SEMA3D: variants seen among roughly 807,000 people sequenced by gnomAD.
SEMA3D encodes semaphorin-3D.
A neutral mutation model predicts 100.1 loss-of-function variants in SEMA3D; 84 were observed. That is an observed-to-expected ratio of 0.84 (90% confidence interval 0.70 to 1.01). SEMA3D has a LOEUF of 1.01. Ranked by LOEUF, SEMA3D falls within the 50% of genes least tolerant of loss-of-function variation. SEMA3D has a pLI of 0.00. For missense variants in SEMA3D, 875 were observed against 934.1 expected (o/e 0.94, Z 0.82); for synonymous variants, 312 against 320.7 (o/e 0.97, Z 0.29).
At chr7:85,132,617 G>T (rs1452490958) in intron 2 of SEMA3D, among the ~76,000 whole-genome samples, 2 of 151,640 alleles carry the variant, frequency 1.3e-5, no homozygotes, top group African/African-American at 4.8e-5. Context: ...TGTTTCTCTA[G>T]CATGAACATT....
intron 2 of SEMA3D, among the ~76,000 whole-genome samples, chr7:85,137,491 A>T (rs1789902724): frequency 6.6e-6 from 1 of 152,076 alleles, no homozygotes; most frequent in Non-Finnish European, 1.5e-5. Context: ...TATTAATGAT[A>T]CCTTTAATAA....
At chr7:85,137,428 C>CA (rs1789900696) in intron 2 of SEMA3D, among the ~76,000 whole-genome samples, 1 of 151,868 alleles carries the variant, frequency 6.6e-6, no homozygotes, top group African/African-American at 2.4e-5. Context: ...ATAACACAGA[C>CA]ACTACAGGGA....
At chr7:85,057,619 G>C (rs560461777) in intron 8 of SEMA3D, among the ~76,000 whole-genome samples, 1 of 152,128 alleles carries the variant, frequency 6.6e-6, no homozygotes, top group Non-Finnish European at 1.5e-5. Context: ...AAGCTTCACA[G>C]TAGCCTTCTT....
intron 7 of SEMA3D, 30 bp downstream of exon 7, chr7:85,068,161 A>G (rs533977785): frequency 2.4e-6 from 3 of 1,247,034 alleles, no homozygotes; most frequent in East Asian, 4.6e-5. Context: ...AAACCATTTA[A>G]GGATAAGAAC....
intron 11 of SEMA3D, 82 bp from the exon 12 acceptor site, chr7:85,037,115 C>A: frequency 7.2e-7 from 1 of 1,394,718 alleles, no homozygotes; most frequent in Non-Finnish European, 9.8e-7. Context: ...TCAGCAGGTG[C>A]TGTGGACAAA....
intron 1 of SEMA3D, among the ~76,000 whole-genome samples, chr7:85,155,197 T>TA (rs1326005668): frequency 6.6e-6 from 1 of 152,064 alleles, no homozygotes; most frequent in Non-Finnish European, 1.5e-5. Flanking sequence ...CCATCTGACT[T>TA]AAAAAAAGTT....
At chr7:85,231,905 A>G in the SEMA3D span, among the ~76,000 whole-genome samples, 11 of 152,172 alleles carry the variant, frequency 7.2e-5, no homozygotes, top group Non-Finnish European at 1.6e-4. Flanking sequence ...AAGAGGAAAA[A>G]CATTTTTTTC....
chr7:85,075,518 C>G (rs1562807156), intron 5 of SEMA3D, among the ~76,000 whole-genome samples: 1 of 151,854 alleles, frequency 6.6e-6, no homozygotes, highest in African/African-American at 2.4e-5. Flanking sequence ...TAGAAAGTAG[C>G]CTAATATGCC....
intron 2 of SEMA3D, among the ~76,000 whole-genome samples, chr7:85,127,084 G>A (rs570776058): frequency 1.5e-4 from 23 of 152,170 alleles, no homozygotes; most frequent in African/African-American, 5.1e-4. Context: ...AAGGAGTCTG[G>A]AAGGCCATCT....
intron 5 of SEMA3D, among the ~76,000 whole-genome samples, chr7:85,076,346 C>G (rs1583899045): frequency 6.6e-6 from 1 of 151,960 alleles, no homozygotes; most frequent in Admixed American, 6.5e-5. Flanking sequence ...TTCAATATTT[C>G]ATCTCTCATA....
At chr7:85,080,700 T>C (rs1444233217) in intron 5 of SEMA3D, among the ~76,000 whole-genome samples, 2 of 152,098 alleles carry the variant, frequency 1.3e-5, no homozygotes, top group Non-Finnish European at 2.9e-5. Flanking sequence ...AGAATATCTG[T>C]CCTGAATCAG....
chr7:85,222,460 C>T, the SEMA3D span, among the ~76,000 whole-genome samples: 1 of 151,912 alleles, frequency 6.6e-6, no homozygotes, highest in African/African-American at 2.4e-5. Context: ...CTGTTATTTT[C>T]CATGTTTGTT....
chr7:85,168,798 CAAAG>C (rs139670825), intron 1 of SEMA3D, among the ~76,000 whole-genome samples: 19,429 of 120,150 alleles, frequency 0.16, 1,546 homozygotes, highest in Non-Finnish European at 0.18. Context: ...GGAAAGGTGA[CAAAG>C]AAAGAAAGAA....
chr7:85,012,184 C>T (rs1345751359), intron 17 of SEMA3D, among the ~76,000 whole-genome samples: 3 of 151,710 alleles, frequency 2.0e-5, no homozygotes, highest in African/African-American at 7.3e-5. Context: ...GGTGATCTCT[C>T]TTTCACTAAA....
At chr7:85,185,102 C>G (rs2534874) in intron 1 of SEMA3D, among the ~76,000 whole-genome samples, 103,978 of 151,546 alleles carry the variant, frequency 0.69, 36,637 homozygotes, top group East Asian at 0.92. Context: ...AAAAGGAGAA[C>G]AAAAAGGAGA....
intron 1 of SEMA3D, among the ~76,000 whole-genome samples, chr7:85,159,083 T>A (rs890089842): frequency 3.3e-5 from 5 of 152,160 alleles, no homozygotes; most frequent in African/African-American, 1.2e-4. Context: ...CTCAACCCCT[T>A]TCGTCTGTTT....
At chr7:85,155,525 A>C (rs1467612566) in intron 1 of SEMA3D, among the ~76,000 whole-genome samples, 1 of 152,184 alleles carries the variant, frequency 6.6e-6, no homozygotes, top group African/African-American at 2.4e-5. Context: ...ACAGGGGTGT[A>C]ACATGCAAAA....
At chr7:85,230,743 G>C in the SEMA3D span, among the ~76,000 whole-genome samples, 1 of 152,072 alleles carries the variant, frequency 6.6e-6, no homozygotes, top group Non-Finnish European at 1.5e-5. Context: ...TGTATGCTTA[G>C]TTCATCCATG....
At chr7:85,234,873 C>T in the SEMA3D span, among the ~76,000 whole-genome samples, 1 of 152,188 alleles carries the variant, frequency 6.6e-6, no homozygotes, top group Admixed American at 6.5e-5. Flanking sequence ...CCCTTTGCAT[C>T]GCTGCCCAGA....
Sources: gnomAD v4.1 joint callset for allele counts (sites outside exome capture counted in the v4.1 genomes callset) on GRCh38, gnomAD v4.1.1 for gene constraint, MANE v1.5 for transcripts, NCBI Gene and HGNC (gene_info 2026-07-23, HGNC 2026-07-21) for gene names.